ZFPM1: variants seen among roughly 807,000 people sequenced by gnomAD.
ZFPM1 encodes zinc finger protein ZFPM1.
ZFPM1 carries 28 observed loss-of-function variants against 46.3 expected under a neutral mutation model. The observed-to-expected ratio is 0.60, with a 90% CI of 0.45 to 0.83. The LOEUF (loss-of-function observed/expected upper bound fraction) is 0.83, where lower values mean the gene tolerates loss of function less well. ZFPM1 is among the 40% of genes least tolerant of loss of function. The pLI, the probability that ZFPM1 is intolerant of heterozygous loss-of-function variation, is 0.00. For synonymous variants in ZFPM1, 957 were observed against 675.9 expected, an observed-to-expected ratio of 1.42 and a Z score of -6.45; for missense variants, 1,878 against 1,432.4, an observed-to-expected ratio of 1.31 and a Z score of -5.02.
At chr16:88,501,224 T>C (rs765532783) in intron 3 of ZFPM1, among the ~76,000 whole-genome samples, 796 of 46,856 alleles carry the variant, frequency 0.017, 23 homozygotes, top group African/African-American at 0.027. Context: ...AGATAGCGGG[T>C]GTGGGTGCAT....
intron 4 of ZFPM1, among the ~76,000 whole-genome samples, chr16:88,520,020 G>A (rs1911706194): frequency 3.3e-5 from 5 of 151,474 alleles, no homozygotes; most frequent in African/African-American, 1.2e-4. Context: ...TGGATAAGTG[G>A]ATGGATGGGA....
chr16:88,477,194 C>A (rs962839196), intron 1 of ZFPM1, among the ~76,000 whole-genome samples: 1 of 152,202 alleles, frequency 6.6e-6, no homozygotes, highest in Non-Finnish European at 1.5e-5. Context: ...CACATGAGTG[C>A]CGGGAAGGGA....
chr16:88,517,394 GC>G, intron 4 of ZFPM1, among the ~76,000 whole-genome samples: 1 of 150,238 alleles, frequency 6.7e-6, no homozygotes, highest in East Asian at 2.0e-4. Context: ...ATGGGTGGAT[GC>G]ATGGGTAGAT....
intron 1 of ZFPM1, among the ~76,000 whole-genome samples, chr16:88,455,231 A>G (rs1907491441): frequency 6.6e-6 from 1 of 151,252 alleles, no homozygotes; most frequent in Admixed American, 6.6e-5. Context: ...CAGGTTGGAA[A>G]CCGATCTCCA....
chr16:88,517,374 TGATGGGTG>T (rs1597269930), intron 4 of ZFPM1, among the ~76,000 whole-genome samples: 1 of 137,640 alleles, frequency 7.3e-6, no homozygotes. Flanking sequence ...AATGGGTGGA[TGATGGGTG>T]GATGGGTGGA....
chr16:88,463,608 C>T (rs776488807), intron 1 of ZFPM1, among the ~76,000 whole-genome samples: 27 of 152,264 alleles, frequency 1.8e-4, no homozygotes, highest in Admixed American at 1.3e-4. Flanking sequence ...GGGAAACTGA[C>T]GCTTAGAGAG....
At chr16:88,485,383 G>A (rs945295667) in intron 1 of ZFPM1, among the ~76,000 whole-genome samples, 3 of 152,034 alleles carry the variant, frequency 2.0e-5, no homozygotes, top group African/African-American at 7.2e-5. Flanking sequence ...GGGCGGAGGC[G>A]ACCCTGCAGC....
At chr16:88,490,634 G>A (rs1023900809) in intron 3 of ZFPM1, among the ~76,000 whole-genome samples, 11 of 152,192 alleles carry the variant, frequency 7.2e-5, no homozygotes, top group African/African-American at 2.2e-4. Flanking sequence ...GTAGGCAGCC[G>A]CTTGTTTAAC....
chr16:88,494,251 C>A (rs115088621), intron 3 of ZFPM1, among the ~76,000 whole-genome samples: 1,617 of 152,192 alleles, frequency 0.011, 29 homozygotes, highest in African/African-American at 0.037. Context: ...GGCCAAGAGG[C>A]GGCCGAGCAG....
rs369357507 is a variant in ZFPM1 at position 88,454,774 on chromosome 16, C to T, written c.40+1096C>T. On this transcript the variant is annotated intron_variant, in intron 1 of 9. Transcript: ENST00000319555. ...CAGGTCTTCCTCCCCGGGGCGCCTC[C>T]CCGGAGCCTGACGGGCAGGTCGTCT... Among the ~76,000 whole-genome samples the T allele has an allele frequency of 2.0e-4, 31 of 152,370 alleles. 1 individual carries two copies. The South Asian group carries it at 6.2e-3, about 31-fold the overall frequency.
At chr16:88,529,881 T>A (rs2142484588) in intron 6 of ZFPM1, among the ~76,000 whole-genome samples, 1 of 152,158 alleles carries the variant, frequency 6.6e-6, no homozygotes, top group East Asian at 1.9e-4. Flanking sequence ...ATAGCCCATG[T>A]TATGTGCTGG....
chr16:88,521,553 A>T lies in ZFPM1; in HGVS notation c.403-5261A>T, dbSNP rs1281167432. 6.6e-5 allele frequency among the ~76,000 whole-genome samples: 3 copies of T among 45,478 alleles called. No individual in the cohort carries two copies. The East Asian group carries it at 1.9e-3, about 29-fold the overall frequency. The allele number at this position is 45,478 out of a possible 152,430, so 29.8% of individuals were successfully genotyped here. ...CCCAACCCGTGCTGTTCCCTCCCTC[A>T]TGCTGTTCCCTCTCCCCTGTGCTGT... On this transcript the variant is annotated intron_variant, in intron 4 of 9. Coordinates refer to ENST00000319555, the MANE Select transcript of ZFPM1 (RefSeq NM_153813.3).
intron 1 of ZFPM1, among the ~76,000 whole-genome samples, chr16:88,473,921 G>A (rs114695101): frequency 0.015 from 2,243 of 152,278 alleles, 44 homozygotes; most frequent in African/African-American, 0.052. Context: ...CTTCCGCAAG[G>A]GGTTTAGTAA....
In ZFPM1 at chr16:88,501,639, G is replaced by A. The variant is rs1181685582; in HGVS notation, c.268+12486G>A. Among the ~76,000 whole-genome samples, 37 of 90,450 alleles carry A rather than the reference G, an allele frequency of 4.1e-4. 4 individuals carry two copies. The highest frequency in any genetic ancestry group is 1.2e-3 in the African/African-American group (29 of 25,042). The allele number at this position is 90,450 out of a possible 152,430, so 59.3% of individuals were successfully genotyped here. ...TGATGGAGATAGTGGGCCTGGGTGC[G>A]TGGGCCATCGCGCAGGTGCTGGTGA... On this transcript the variant is annotated intron_variant, in intron 3 of 9. Coordinates refer to ENST00000319555, the MANE Select transcript of ZFPM1 (RefSeq NM_153813.3).
chr16:88,519,918 G>A (rs1911694036), intron 4 of ZFPM1, among the ~76,000 whole-genome samples: 1 of 150,572 alleles, frequency 6.6e-6, no homozygotes, highest in Admixed American at 6.6e-5. Flanking sequence ...CGGCTGGGTA[G>A]ATGGATAGAT....
chr16:88,531,829 C>T (rs981311537), intron 6 of ZFPM1, among the ~76,000 whole-genome samples, 173 bp from the exon 7 acceptor site: 1 of 152,198 alleles, frequency 6.6e-6, no homozygotes, highest in African/African-American at 2.4e-5. Flanking sequence ...GGGAGTGGGG[C>T]TGTCACAGGA....
chr16:88,534,534 G>A lies in ZFPM1; in HGVS notation c.2576G>A (p.Cys859Tyr), dbSNP rs1478700732. The change falls in exon 10 of 10, where the codon TGC becomes TAC. Residue 859 changes from cysteine to tyrosine, a missense_variant. Coordinates refer to ENST00000319555, the MANE Select transcript of ZFPM1 (RefSeq NM_153813.3). ...CTGCCCGCCGCCGCCTGCCCCTACTGCCCCCCGAACGGCCCGGTGCGCGGG... is the reference window on the plus strand; with the variant it reads ...CTGCCCGCCGCCGCCTGCCCCTACTACCCCCCGAACGGCCCGGTGCGCGGG... ...LGLPAAACPY[C>Y]PPNGPVRGDL... The A allele has an allele frequency of 2.8e-6, 4 of 1,408,432 alleles. No homozygotes were observed. Among genetic ancestry groups the A allele is most frequent in the Admixed American group, 2.9e-5 (1 of 34,364 alleles). 87.2% of individuals were successfully genotyped at this position (1,408,432 alleles called of 1,614,324 possible). A position where few individuals can be genotyped will look rare whatever the true frequency, so the allele number is the denominator to read the frequency against.
rs1032970710 is a variant in ZFPM1, at chr16:88,488,971, G to C, written c.146-60G>C. ...GCCTCAGCATCCTTCCCAGCTACAG[G>C]GAGGGGCAGCTCAGTGCCCGGCACT... On this transcript the variant is annotated intron_variant, in intron 2 of 9. Transcript: ENST00000319555. The C allele has an allele frequency of 7.4e-5, 115 of 1,563,130 alleles. 1 individual carries two copies. In the South Asian group the frequency reaches 1.2e-3, roughly 17 times the overall value.
Position 88,532,039 on chromosome 16 carries a change from C to A in ZFPM1, c.750C>A (p.Tyr250Ter). 6.2e-7 allele frequency: 1 copy of A among 1,611,692 alleles called. No individual in the cohort carries two copies. The highest frequency in any genetic ancestry group is 8.5e-7 in the Non-Finnish European group (1 of 1,179,180). ...CCTGCAAGGACTGTGGCATCTGGTA[C>A]CGCAGCGAGCGCAACCTGCAGGCGC... ...VFPCKDCGIW[Y>*]RSERNLQAHL... Residue 250 changes from tyrosine (Y) to a stop codon, truncating the protein, a stop_gained, in exon 7 of 10, where the codon TAC (tyrosine) becomes TAA (stop). Coordinates refer to ENST00000319555, the MANE Select transcript of ZFPM1 (RefSeq NM_153813.3). LOFTEE classifies it high-confidence loss of function.
Sources: gnomAD v4.1 joint callset for allele counts (sites outside exome capture counted in the v4.1 genomes callset) on GRCh38, gnomAD v4.1.1 for gene constraint, MANE v1.5 for transcripts, NCBI Gene and HGNC (gene_info 2026-07-23, HGNC 2026-07-21) for gene names.